SMCHD1: variants seen among roughly 807,000 people sequenced by gnomAD.
SMCHD1 encodes structural maintenance of chromosomes flexible hinge domain-containing protein 1.
SMCHD1 carries 78 observed loss-of-function variants against 254.7 expected under a neutral mutation model. The ratio of observed to expected loss-of-function variants is 0.31; its 90% CI spans 0.26 to 0.37. SMCHD1 has a LOEUF of 0.37. SMCHD1 is among the 10% of genes least tolerant of loss of function. The pLI, the probability that SMCHD1 is intolerant of heterozygous loss-of-function variation, is 1.00. For synonymous variants in SMCHD1, 766 were observed against 794.9 expected, an observed-to-expected ratio of 0.96 and a Z score of 0.61; for missense variants, 1,840 against 2,408.1, an observed-to-expected ratio of 0.76 and a Z score of 4.94.
intron 47 of SMCHD1, among the ~76,000 whole-genome samples, chr18:2,801,941 A>G (rs1568419722): frequency 6.6e-6 from 1 of 152,124 alleles, no homozygotes; most frequent in Non-Finnish European, 1.5e-5. Context: ...TAGAGGCTTC[A>G]GTTTTCTAAA....
chr18:2,693,621 T>TG (rs2074226757), intron 7 of SMCHD1, among the ~76,000 whole-genome samples: 6 of 143,898 alleles, frequency 4.2e-5, no homozygotes, highest in Admixed American at 3.5e-4. Context: ...CATACCATGT[T>TG]TTTTGTTTGT....
At chr18:2,688,806 G>A (rs1598317879) in intron 7 of SMCHD1, 59 bp downstream of exon 7, 2 of 967,760 alleles carry the variant, frequency 2.1e-6, no homozygotes, top group Non-Finnish European at 2.9e-6. Flanking sequence ...CGGTGGGACA[G>A]AACTTAACTT....
intron 5 of SMCHD1, among the ~76,000 whole-genome samples, chr18:2,678,272 TCC>T (rs1349109133): frequency 2.5e-4 from 31 of 125,310 alleles, no homozygotes; most frequent in Non-Finnish European, 4.3e-4. Context: ...TCTCTCTCTC[TCC>T]CTCTCTCTCT....
chr18:2,750,598 C>A, intron 32 of SMCHD1, 91 bp downstream of exon 32: 1 of 1,088,272 alleles, frequency 9.2e-7, no homozygotes, highest in Non-Finnish European at 1.3e-6. Flanking sequence ...TAAGTGTGCT[C>A]AGTCTAATGT....
chr18:2,695,887 C>G (rs928211322), intron 8 of SMCHD1, among the ~76,000 whole-genome samples: 1 of 151,910 alleles, frequency 6.6e-6, no homozygotes, highest in Non-Finnish European at 1.5e-5. Flanking sequence ...TTTATTATCC[C>G]TGTTACCCAA....
In SMCHD1 at chr18:2,688,761, T is replaced by G; in HGVS notation, c.873+14T>G. 2 of 1,251,888 alleles carry G rather than the reference T, an allele frequency of 1.6e-6. No individual in the cohort carries two copies. The highest frequency in any genetic ancestry group is 2.2e-6 in the Non-Finnish European group (2 of 901,334). 77.5% of individuals were successfully genotyped at this position (1,251,888 alleles called of 1,614,324 possible). The stretch of plus-strand genomic sequence containing the variant: ...AGAAACAGAAAGGTACAATACATTT[T>G]AACTCATAATTATAAATTTACTCCT... On this transcript the variant is annotated intron_variant, in intron 7 of 47. Coordinates refer to ENST00000320876, the MANE Select transcript of SMCHD1 (RefSeq NM_015295.3).
intron 42 of SMCHD1, among the ~76,000 whole-genome samples, chr18:2,777,067 C>G (rs532198599): frequency 6.8e-6 from 1 of 147,796 alleles, no homozygotes; most frequent in Admixed American, 6.8e-5. Flanking sequence ...CCACCTCCCC[C>G]CCCCATACCC....
intron 17 of SMCHD1, among the ~76,000 whole-genome samples, chr18:2,708,643 C>T (rs1324645953): frequency 4.7e-5 from 7 of 149,932 alleles, no homozygotes; most frequent in African/African-American, 9.8e-5. Context: ...GACAGAGCTT[C>T]GCTCTTGTTG....
At chr18:2,744,747 C>T (rs2075417801) in intron 29 of SMCHD1, among the ~76,000 whole-genome samples, 1 of 152,082 alleles carries the variant, frequency 6.6e-6, no homozygotes, top group South Asian at 2.1e-4. Flanking sequence ...AATTTTGTAT[C>T]CTTTGATGGA....
At chr18:2,740,660 C>G in intron 27 of SMCHD1, 43 bp from the exon 28 acceptor site, 1 of 1,062,766 alleles carries the variant, frequency 9.4e-7, no homozygotes, top group Non-Finnish European at 1.4e-6. Context: ...TTTATATCTT[C>G]TATTAAAAGA....
intron 35 of SMCHD1, among the ~76,000 whole-genome samples, chr18:2,761,084 C>T (rs1160617616): frequency 6.6e-6 from 1 of 152,102 alleles, no homozygotes; most frequent in Admixed American, 6.5e-5. Flanking sequence ...ACAGCCATAA[C>T]AAGAGAACGA....
rs1568235257 is a variant in SMCHD1, at chr18:2,722,628, A to G, written c.2568A>G (p.Gln856=). The part of the protein sequence containing the change: ...EFQDEFGHTS[Q]LVTDIQPVLE... ...AGGATGAATTTGGTCATACCAGTCAACTAGTAACTGATATTCAGCCAGTTC... is the reference window on the plus strand; with the variant it reads ...AGGATGAATTTGGTCATACCAGTCAGCTAGTAACTGATATTCAGCCAGTTC... Residue 856 remains glutamine, a synonymous_variant, in exon 20 of 48, where the codon CAA becomes CAG. Coordinates refer to ENST00000320876, the MANE Select transcript of SMCHD1 (RefSeq NM_015295.3). 1.2e-6 allele frequency: 2 copies of G among 1,612,514 alleles called. No homozygotes were observed. Among genetic ancestry groups the G allele is most frequent in the Non-Finnish European group, 8.5e-7 (1 of 1,179,264 alleles).
rs761972837 is a variant in SMCHD1, at chr18:2,760,680, A to T, written c.4375A>T (p.Thr1459Ser). ...RDKVIPNKVG[T>S]YCIQFGFMMD... The stretch of plus-strand genomic sequence containing the variant: ...TAAAGTAATTCCTAATAAAGTGGGG[A>T]CATATTGTATCCAGTTTGGTTTTAT... Residue 1459 changes from threonine (T) to serine (S), a missense_variant, in exon 35 of 48, where the codon ACA becomes TCA. By Grantham distance (58) the Thr-to-Ser change is moderately conservative. This residue lies in a region of SMCHD1 where 881 missense variants were observed against 1,009.5 expected (regional missense o/e 0.87). Coordinates refer to ENST00000320876, the MANE Select transcript of SMCHD1 (RefSeq NM_015295.3). 1.3e-6 allele frequency: 2 copies of T among 1,590,516 alleles called. No individual in the cohort carries two copies. The highest frequency in any genetic ancestry group is 8.6e-7 in the Non-Finnish European group (1 of 1,159,038).
chr18:2,744,778 A>G (rs2075418783), intron 29 of SMCHD1, among the ~76,000 whole-genome samples: 1 of 152,184 alleles, frequency 6.6e-6, no homozygotes, highest in Admixed American at 6.5e-5. Flanking sequence ...TAAAATGTCC[A>G]GATTCTGACA....
rs1398648402 is a variant in SMCHD1, at chr18:2,740,690, C to T, written c.3515-13C>T. On this transcript the variant is annotated splice_polypyrimidine_tract_variant and intron_variant, in intron 27 of 47. Transcript: ENST00000320876. Reference sequence around the variant, plus strand: ...AAAAGATAATACTAAAATAAAACTTCCCCCTTTTTTAGTTATAATAATTAC... The same window carrying T: ...AAAAGATAATACTAAAATAAAACTTTCCCCTTTTTTAGTTATAATAATTAC... 1.4e-6 allele frequency: 2 copies of T among 1,395,212 alleles called. No individual in the cohort carries two copies. The highest frequency in any genetic ancestry group is 1.4e-5 in the African/African-American group (1 of 70,094). The allele number at this position is 1,395,212 out of a possible 1,614,324, so 86.4% of individuals were successfully genotyped here.
chr18:2,765,060 A>G (rs1030083562), intron 37 of SMCHD1, among the ~76,000 whole-genome samples: 3 of 152,052 alleles, frequency 2.0e-5, no homozygotes, highest in African/African-American at 7.2e-5. Context: ...TTAAAAATTT[A>G]TTTTTGTCGA....
intron 43 of SMCHD1, 100 bp from the exon 44 acceptor site, chr18:2,778,069 A>G: frequency 9.9e-7 from 1 of 1,015,160 alleles, no homozygotes; most frequent in Non-Finnish European, 1.4e-6. Context: ...TAGAACGAAT[A>G]CTAGCACTCT....
At chr18:2,748,899 A>G (rs2075519912) in intron 30 of SMCHD1, among the ~76,000 whole-genome samples, 1 of 152,358 alleles carries the variant, frequency 6.6e-6, no homozygotes. Flanking sequence ...GCAATTATTT[A>G]TAGTTCAATC....
chr18:2,788,748 G>A (rs1178884664), intron 45 of SMCHD1, among the ~76,000 whole-genome samples: 3 of 151,930 alleles, frequency 2.0e-5, no homozygotes, highest in Admixed American at 6.6e-5. Context: ...ACAGGTGCAC[G>A]CCTCCATACC....
Sources: gnomAD v4.1 joint callset for allele counts (sites outside exome capture counted in the v4.1 genomes callset) on GRCh38, gnomAD v4.1.1 for gene constraint, gnomAD v4.1.1 regional missense constraint, MANE v1.5 for transcripts, NCBI Gene and HGNC (gene_info 2026-07-23, HGNC 2026-07-21) for gene names.